APC2: variants seen among roughly 807,000 people sequenced by gnomAD.
The protein encoded by APC2 is adenomatous polyposis coli protein 2.
APC2 carries 41 observed loss-of-function variants against 72.5 expected under a neutral mutation model. The ratio of observed to expected loss-of-function variants is 0.57; its 90% CI spans 0.44 to 0.73. The LOEUF (loss-of-function observed/expected upper bound fraction) is 0.73. Among genes scored for constraint, APC2 ranks in the 30% least tolerant of loss-of-function variants. The probability of loss-of-function intolerance (pLI) is 0.00; values close to 1 mark genes in which losing one functional copy is unlikely to be tolerated. For synonymous variants in APC2, 1,898 were observed against 1,612.0 expected, an observed-to-expected ratio of 1.18 and a Z score of -4.25; for missense variants, 3,729 against 3,403.4, an observed-to-expected ratio of 1.10 and a Z score of -2.38.
Position 1,456,880 on chromosome 19 carries a change from A to G in APC2, c.844A>G (p.Met282Val), listed in dbSNP as rs1250287067. Residue 282 changes from methionine (M) to valine (V), a missense_variant, in exon 9 of 15, where the codon ATG (methionine) becomes GTG (valine). Transcript: ENST00000590469. ...KVEVVFWLLS[M>V]LATRDQEDTA... Reference sequence around the variant, plus strand: ...GGAGGTGGTCTTCTGGCTGTTGTCCATGTTGGCGACGCGCGACCAGGAGGA... The same window carrying G: ...GGAGGTGGTCTTCTGGCTGTTGTCCGTGTTGGCGACGCGCGACCAGGAGGA... 6.3e-7 allele frequency: 1 copy of G among 1,594,576 alleles called. No homozygotes were observed. Among genetic ancestry groups the G allele is most frequent in the Non-Finnish European group, 8.5e-7 (1 of 1,176,440 alleles).
chr19:1,470,387 A>G lies in APC2; in HGVS notation c.*174A>G. The G allele has an allele frequency of 1.0e-6, 1 of 978,202 alleles. No homozygotes were observed. The highest frequency in any genetic ancestry group is 1.4e-6 in the Non-Finnish European group (1 of 700,590). 60.6% of individuals were successfully genotyped at this position (978,202 alleles called of 1,614,324 possible). On this transcript the variant is annotated 3_prime_UTR_variant, in exon 15 of 15. Coordinates refer to ENST00000590469, the MANE Select transcript of APC2 (RefSeq NM_005883.3). ...GCACGGCGACCTCGCGCCTCACCGG[A>G]AGACCTTGCCTCTGTGCCGCGGAGG...
chr19:1,467,648 C>A lies in APC2; in HGVS notation c.4347C>A (p.Gly1449=). The A allele has an allele frequency of 6.8e-7, 1 of 1,480,186 alleles. No homozygotes were observed. The highest frequency in any genetic ancestry group is 1.3e-5 in the South Asian group (1 of 76,600). The allele number at this position is 1,480,186 out of a possible 1,614,324, so 91.7% of individuals were successfully genotyped here. A position where few individuals can be genotyped will look rare whatever the true frequency, so the allele number is the denominator to read the frequency against. The change falls in exon 15 of 15, where the codon GGC becomes GGA. Residue 1449 remains glycine, a synonymous_variant. Transcript: ENST00000590469. ...ACCGGCACAAGGCGGGAGGCGCCGG[C>A]CGCAGCGCGGAGCAGTCTCGGGGCG... ...MGHRHKAGGA[G]RSAEQSRGAG...
At chr19:1,458,810 A>G (rs775840120) in intron 10 of APC2, among the ~76,000 whole-genome samples, 7 of 151,874 alleles carry the variant, frequency 4.6e-5, no homozygotes, top group Non-Finnish European at 8.8e-5. Flanking sequence ...TCCACCTCCG[A>G]GTAGCTGGGA....
Position 1,469,579 on chromosome 19 carries a change from C to T in APC2, c.6278C>T (p.Pro2093Leu). Residue 2093 changes from proline to leucine, a missense_variant, in exon 15 of 15, where the codon CCG becomes CTG. Physicochemically the swap from Pro to Leu is moderately conservative, Grantham distance 98. Coordinates refer to ENST00000590469, the MANE Select transcript of APC2 (RefSeq NM_005883.3). The stretch of plus-strand genomic sequence containing the variant: ...CCTGTGCGCGCGCCCGCCGCCCGGC[C>T]GGAGACTGTCAAGCGCTACGCGTCG... The part of the protein sequence containing the change: ...RLPVRAPAAR[P>L]ETVKRYASLP... 4 of 1,256,948 alleles carry T rather than the reference C, an allele frequency of 3.2e-6. No individual in the cohort carries two copies. Among genetic ancestry groups the T allele is most frequent in the Admixed American group, 3.1e-5 (1 of 32,454 alleles). The allele number at this position is 1,256,948 out of a possible 1,614,324, so 77.9% of individuals were successfully genotyped here. A position where few individuals can be genotyped will look rare whatever the true frequency, so the allele number is the denominator to read the frequency against.
At chr19:1,460,756 C>T in intron 11 of APC2, 24 bp from the exon 12 acceptor site, 10 of 1,608,562 alleles carry the variant, frequency 6.2e-6, no homozygotes, top group Non-Finnish European at 7.6e-6. Context: ...AACCCCGTGA[C>T]CCCGGCTGCA....
At position 1,456,158 on chromosome 19, in the gene APC2, C is replaced by A. The variant is rs1350643816; in HGVS notation, c.717+5C>A. 3 of 1,583,156 alleles carry A rather than the reference C, an allele frequency of 1.9e-6. No individual in the cohort carries two copies. Among genetic ancestry groups the A allele is most frequent in the South Asian group, 1.1e-5 (1 of 87,566 alleles). On this transcript the variant is annotated splice_donor_5th_base_variant and intron_variant, in intron 7 of 14. Coordinates refer to ENST00000590469, the MANE Select transcript of APC2 (RefSeq NM_005883.3). The stretch of plus-strand genomic sequence containing the variant: ...GTGCAGCAGACGGAGCCCCAGGTAC[C>A]GGGTGGGGCAGAGCCAGGGACCAGG...
chr19:1,459,871 G>A (rs2083895997), intron 10 of APC2, among the ~76,000 whole-genome samples: 1 of 152,208 alleles, frequency 6.6e-6, no homozygotes, highest in African/African-American at 2.4e-5. Flanking sequence ...AAACAGGGCA[G>A]GGAAGAACAT....
chr19:1,455,479 CGAGA>C lies in APC2; in HGVS notation c.619_622del (p.Glu207TrpfsTer37). The C allele has an allele frequency of 6.2e-7, 1 of 1,602,878 alleles. No individual in the cohort carries two copies. The highest frequency in any genetic ancestry group is 2.2e-5 in the East Asian group (1 of 44,478). On this transcript the variant is annotated frameshift_variant, in exon 6 of 15. Coordinates refer to ENST00000590469, the MANE Select transcript of APC2 (RefSeq NM_005883.3). LOFTEE classifies it high-confidence loss of function. Reference sequence around the variant, plus strand: ...TGGAGGAGCGCTTCGGCACCTCGGACGAGATGGTGCAGCGGGCACAGGTGCGGCG... The same window carrying C: ...TGGAGGAGCGCTTCGGCACCTCGGACTGGTGCAGCGGGCACAGGTGCGGCG...
At chr19:1,458,285 G>A (rs2083870006) in intron 10 of APC2, 1 of 575,562 alleles carries the variant, frequency 1.7e-6, no homozygotes, top group Admixed American at 3.1e-5. Context: ...CTGGTCTGAG[G>A]CTTCGGGGGT....
Position 1,468,166 on chromosome 19 carries a change from C to T in APC2, c.4865C>T (p.Pro1622Leu), listed in dbSNP as rs930400118. 1.4e-6 allele frequency: 2 copies of T among 1,455,108 alleles called. No individual in the cohort carries two copies. Among genetic ancestry groups the T allele is most frequent in the African/African-American group, 3.0e-5 (2 of 67,126 alleles). 90.1% of individuals were successfully genotyped at this position (1,455,108 alleles called of 1,614,324 possible). Residue 1622 changes from proline to leucine, a missense_variant, in exon 15 of 15, where the codon CCG becomes CTG. Transcript: ENST00000590469. ...GGCGGACGCGACAGCTCGCCCAGCC[C>T]GCGGGCCGCGGAGGAGCTTCTGCAG... Reference protein sequence around the residue: ...PGGGRDSSPSPRAAEELLQRC... With the variant: ...PGGGRDSSPSLRAAEELLQRC...
Position 1,455,269 on chromosome 19 carries a change from G to C in APC2, c.522+12G>C, listed in dbSNP as rs1281935896. ...CGCACGTGGAGACGGTGAGCCGGCC[G>C]GGGAGCCAGGGGGCAGCGCGCCCGC... On this transcript the variant is annotated intron_variant, in intron 5 of 14. Transcript: ENST00000590469. 6.4e-7 allele frequency: 1 copy of C among 1,562,110 alleles called. No homozygotes were observed. The highest frequency in any genetic ancestry group is 8.6e-7 in the Non-Finnish European group (1 of 1,158,508).
At chr19:1,449,056 A>G (rs2083713936), upstream of APC2, among the ~76,000 whole-genome samples, 1 of 152,168 alleles carries the variant, frequency 6.6e-6, no homozygotes, top group African/African-American at 2.4e-5. Context: ...AGGAAACAGC[A>G]CGGGTCCTCC....
Position 1,465,386 on chromosome 19 carries a change from G to A in APC2, c.2085G>A (p.Leu695=), listed in dbSNP as rs929813640. ...GCGCCGCCGCCCTGCGCAACCTGCT[G>A]GCCCATCGGCCCGCCAAGCACCAGG... The part of the protein sequence containing the change: ...MGSAAALRNL[L]AHRPAKHQAA... The change falls in exon 15 of 15, where the codon CTG becomes CTA. Residue 695 remains leucine, a synonymous_variant. Coordinates refer to ENST00000590469, the MANE Select transcript of APC2 (RefSeq NM_005883.3). 2 of 1,570,136 alleles carry A rather than the reference G, an allele frequency of 1.3e-6. No homozygotes were observed. Among genetic ancestry groups the A allele is most frequent in the Non-Finnish European group, 1.7e-6 (2 of 1,165,912 alleles).
chr19:1,472,626 G>A lies in APC2; in HGVS notation c.*2413G>A, dbSNP rs1345917460. The A allele has an allele frequency of 3.2e-5, 4 of 123,214 alleles. No individual in the cohort carries two copies. Among genetic ancestry groups the A allele is most frequent in the South Asian group, 2.5e-4 (1 of 4,046 alleles). 7.6% of individuals were successfully genotyped at this position (123,214 alleles called of 1,614,324 possible). The stretch of plus-strand genomic sequence containing the variant: ...CACCCCGAGTCCTGAGCTCACTTTC[G>A]CCTTCTCCATCCCCTGCCGTGGGGG... On this transcript the variant is annotated 3_prime_UTR_variant, in exon 15 of 15. Coordinates refer to ENST00000590469, the MANE Select transcript of APC2 (RefSeq NM_005883.3).
Position 1,465,661 on chromosome 19 carries a change from T to C in APC2, c.2360T>C (p.Leu787Pro), listed in dbSNP as rs769477376. The C allele has an allele frequency of 6.9e-6, 11 of 1,600,988 alleles. No individual in the cohort carries two copies. Among genetic ancestry groups the C allele is most frequent in the Non-Finnish European group, 8.5e-6 (10 of 1,174,998 alleles). Residue 787 changes from leucine to proline, a missense_variant, in exon 15 of 15, where the codon CTG becomes CCG. Leu to Pro is a moderately conservative substitution (Grantham distance 98). Coordinates refer to ENST00000590469, the MANE Select transcript of APC2 (RefSeq NM_005883.3). ...GACGACGACGATGCACCGTCATCCC[T>C]GGCTGCGGCCGCGGCCACCGGGGAG... ...CFDDDDAPSS[L>P]AAAAATGEPA...
chr19:1,453,270 A>G lies in APC2; in HGVS notation c.165A>G (p.Gly55=), dbSNP rs1429829950. ...GMKEVLKHLQ[G]KLEQEARVLV... is the part of the protein sequence containing the mutation. ...AGGAGGTCCTGAAGCACCTACAGGGAAAACTGGAGCAGGAGGCCCGAGTGC... is the reference window on the plus strand; with the variant it reads ...AGGAGGTCCTGAAGCACCTACAGGGGAAACTGGAGCAGGAGGCCCGAGTGC... The change falls in exon 3 of 15, where the codon GGA becomes GGG. Residue 55 remains glycine (G), a synonymous_variant. Coordinates refer to ENST00000590469, the MANE Select transcript of APC2 (RefSeq NM_005883.3). The G allele has an allele frequency of 6.4e-7, 1 of 1,570,284 alleles. No individual in the cohort carries two copies. Among genetic ancestry groups the G allele is most frequent in the African/African-American group, 1.4e-5 (1 of 74,034 alleles).
Position 1,470,074 on chromosome 19 carries a change from C to T in APC2, c.6773C>T (p.Ala2258Val), listed in dbSNP as rs1240392076. The change falls in exon 15 of 15, where the codon GCC becomes GTC. Residue 2258 changes from alanine to valine, a missense_variant. Physicochemically the swap from Ala to Val is moderately conservative, Grantham distance 64. Coordinates refer to ENST00000590469, the MANE Select transcript of APC2 (RefSeq NM_005883.3). ...GGGGTCGCCGTGGGGGGCTTCCCCG[C>T]CAGCCGGCACGGCTCCCCCAGCCGC... ...GLGVAVGGFP[A>V]SRHGSPSRSA... The T allele has an allele frequency of 1.3e-6, 2 of 1,599,380 alleles. No homozygotes were observed. The highest frequency in any genetic ancestry group is 8.5e-7 in the Non-Finnish European group (1 of 1,176,146).
At position 1,468,903 on chromosome 19, in the gene APC2, C is replaced by A. The variant is rs1270256450; in HGVS notation, c.5602C>A (p.Leu1868Ile). Residue 1868 changes from leucine (L) to isoleucine (I), a missense_variant, in exon 15 of 15, where the codon CTC (leucine) becomes ATC (isoleucine). Physicochemically the swap from Leu to Ile is conservative, Grantham distance 5. Transcript: ENST00000590469. Reference sequence around the variant, plus strand: ...CAGAAGCGCCACACCGCCCGCCCGCCTCGCCAAGACCCCCTCCTCCAGCTC... The same window carrying A: ...CAGAAGCGCCACACCGCCCGCCCGCATCGCCAAGACCCCCTCCTCCAGCTC... Reference protein sequence around the residue: ...PPRSATPPARLAKTPSSSSSQ... With the variant: ...PPRSATPPARIAKTPSSSSSQ... 1.3e-6 allele frequency: 2 copies of A among 1,524,276 alleles called. No homozygotes were observed. Among genetic ancestry groups the A allele is most frequent in the Middle Eastern group, 1.9e-4 (1 of 5,152 alleles). The allele number at this position is 1,524,276 out of a possible 1,614,324, so 94.4% of individuals were successfully genotyped here.
At chr19:1,447,179 C>T (rs1191211501), upstream of APC2, among the ~76,000 whole-genome samples, 1 of 152,192 alleles carries the variant, frequency 6.6e-6, no homozygotes, top group African/African-American at 2.4e-5. Flanking sequence ...TCTGCCCGGC[C>T]ACCCAGCCGG....
Sources: allele counts gnomAD v4.1 joint callset (sites outside exome capture counted in the v4.1 genomes callset), GRCh38; gene constraint gnomAD v4.1.1; transcripts MANE v1.5; gene names NCBI Gene and HGNC (gene_info 2026-07-23, HGNC 2026-07-21).